Variants in IQGAP2 observed in about 807,000 individuals in gnomAD.
IQGAP2 encodes ras GTPase-activating-like protein IQGAP2.
IQGAP2 carries 173 observed loss-of-function variants against 201.3 expected under a neutral mutation model. The observed-to-expected ratio is 0.86, with a 90% CI of 0.76 to 0.98. The LOEUF (loss-of-function observed/expected upper bound fraction) is 0.98, where lower values mean the gene tolerates loss of function less well. IQGAP2 is among the 50% of genes least tolerant of loss of function. The pLI, the probability that IQGAP2 is intolerant of heterozygous loss-of-function variation, is 0.00. For synonymous variants in IQGAP2, 675 were observed against 673.9 expected (o/e 1.00, Z -0.03); for missense variants, 1,687 against 1,864.8 (o/e 0.90, Z 1.76).
chr5:76,664,729 A>G (rs1743585859), intron 21 of IQGAP2, among the ~76,000 whole-genome samples: 1 of 152,214 alleles, frequency 6.6e-6, no homozygotes, highest in South Asian at 2.1e-4. Context: ...AATAGATAGT[A>G]TAATAATGAA....
intron 2 of IQGAP2, among the ~76,000 whole-genome samples, chr5:76,534,071 A>G (rs1456283134): frequency 6.6e-6 from 1 of 152,174 alleles, no homozygotes; most frequent in East Asian, 1.9e-4. Flanking sequence ...TATTCTTCTC[A>G]TGCTGTAATA....
intron 23 of IQGAP2, among the ~76,000 whole-genome samples, chr5:76,669,832 G>T (rs1261884467): frequency 6.6e-6 from 1 of 152,072 alleles, no homozygotes; most frequent in African/African-American, 2.4e-5. Flanking sequence ...TTTGCTTTTT[G>T]GGGATCTGTG....
chr5:76,505,491 G>C (rs1356865975), intron 2 of IQGAP2, among the ~76,000 whole-genome samples: 3 of 152,134 alleles, frequency 2.0e-5, no homozygotes, highest in Non-Finnish European at 4.4e-5. Flanking sequence ...TCTTCTAGTA[G>C]AGAAATTAGG....
intron 2 of IQGAP2, among the ~76,000 whole-genome samples, chr5:76,486,828 T>C (rs1756174605): frequency 1.3e-5 from 2 of 152,186 alleles, no homozygotes; most frequent in Non-Finnish European, 2.9e-5. Context: ...AGCTCAGTTA[T>C]AAGTAATAAG....
chr5:76,407,947 A>G (rs1405617516), intron 1 of IQGAP2, among the ~76,000 whole-genome samples: 1 of 152,216 alleles, frequency 6.6e-6, no homozygotes, highest in Non-Finnish European at 1.5e-5. Context: ...CCTAGCCAGC[A>G]TAGTGAAACC....
At chr5:76,617,952 C>T (rs775017442) in intron 13 of IQGAP2, 1 of 1,614,042 alleles carries the variant, frequency 6.2e-7, no homozygotes, top group East Asian at 2.2e-5. Flanking sequence ...TGAGGACTCG[C>T]AAGTGTTGTG....
At chr5:76,682,122 A>G (rs1745359966) in intron 28 of IQGAP2, among the ~76,000 whole-genome samples, 1 of 152,214 alleles carries the variant, frequency 6.6e-6, no homozygotes, top group African/African-American at 2.4e-5. Flanking sequence ...AAACTGTTCT[A>G]CAGTCAGAGA....
chr5:76,644,549 C>T (rs1164159291), intron 17 of IQGAP2, among the ~76,000 whole-genome samples: 2 of 151,918 alleles, frequency 1.3e-5, no homozygotes, highest in Non-Finnish European at 2.9e-5. Context: ...ATCTGCCTGC[C>T]TCGGCTTTCC....
At chr5:76,658,334 C>A in intron 20 of IQGAP2, 125 bp from the exon 21 acceptor site, 1 of 782,534 alleles carries the variant, frequency 1.3e-6, no homozygotes, top group Non-Finnish European at 2.1e-6. Flanking sequence ...TAGAATGATT[C>A]TCACCCTAGA....
In IQGAP2 at chr5:76,480,814, C is replaced by G. The variant is rs563538640; in HGVS notation, c.146+19145C>G. On this transcript the variant is annotated intron_variant, in intron 2 of 35. Transcript: ENST00000274364. ...CCTGGGCACACAGCTGTCTTAGTCTCTTGTGCCCCTATAACAGAGTACCTG... is the reference window on the plus strand; with the variant it reads ...CCTGGGCACACAGCTGTCTTAGTCTGTTGTGCCCCTATAACAGAGTACCTG... Among the ~76,000 whole-genome samples, 25 of 150,208 alleles carry G rather than the reference C, an allele frequency of 1.7e-4. No homozygotes were observed. In the South Asian group the frequency reaches 2.7e-3, roughly 16 times the overall value.
intron 12 of IQGAP2, 55 bp from the exon 13 acceptor site, chr5:76,610,965 A>G: frequency 5.5e-6 from 8 of 1,454,926 alleles, no homozygotes; most frequent in Non-Finnish European, 6.6e-6. Flanking sequence ...CGGTGATACT[A>G]AAGAAGTTAT....
rs185223948 is a variant in IQGAP2 at position 76,683,202 on chromosome 5, G to A, written c.3748G>A (p.Val1250Met). Residue 1250 changes from valine (V) to methionine (M), a missense_variant, in exon 29 of 36, where the codon GTG becomes ATG. By Grantham distance (21) the Val-to-Met change is conservative. Coordinates refer to ENST00000274364, the MANE Select transcript of IQGAP2 (RefSeq NM_006633.5). ...LLGSLGEVPTVESFLGEGAVD... is the reference protein window; with the variant it reads ...LLGSLGEVPTMESFLGEGAVD... The stretch of plus-strand genomic sequence containing the variant: ...GGGGTCGCTGGGAGAGGTGCCAACC[G>A]TGGAATCTTTTCTTGGTAAGAGCTT... 682 of 1,610,330 alleles carry A rather than the reference G, an allele frequency of 4.2e-4. 1 individual carries two copies. The highest frequency in any genetic ancestry group is 5.0e-4 in the Middle Eastern group (3 of 6,048).
At chr5:76,669,938 T>A (rs1744146080) in intron 23 of IQGAP2, among the ~76,000 whole-genome samples, 1 of 152,168 alleles carries the variant, frequency 6.6e-6, no homozygotes. Flanking sequence ...TTCTTCTGCC[T>A]CAGCCTCCTG....
At chr5:76,635,968 A>G (rs1427405265) in intron 15 of IQGAP2, among the ~76,000 whole-genome samples, 1 of 152,244 alleles carries the variant, frequency 6.6e-6, no homozygotes, top group Non-Finnish European at 1.5e-5. Context: ...GTTTCTAAAC[A>G]GATGAACCAG....
Position 76,674,656 on chromosome 5 carries a change from TG to T in IQGAP2, c.3475del (p.Glu1159SerfsTer6). ...CCAACAAGCTGTTTGAAGGAGAAAA[TG>T]AGCATCTCTCATCTATGAACAATTA... ...ASNKLFEGEN[E>X]HLSSMNNYLS... On this transcript the variant is annotated frameshift_variant, in exon 27 of 36. Transcript: ENST00000274364. LOFTEE classifies it high-confidence loss of function. The T allele has an allele frequency of 4.3e-6, 7 of 1,614,128 alleles. No individual in the cohort carries two copies. Among genetic ancestry groups the T allele is most frequent in the Non-Finnish European group, 5.9e-6 (7 of 1,179,986 alleles).
At chr5:76,483,793 C>A (rs1201148544) in intron 2 of IQGAP2, among the ~76,000 whole-genome samples, 1 of 152,236 alleles carries the variant, frequency 6.6e-6, no homozygotes, top group Admixed American at 6.5e-5. Flanking sequence ...GCAGCCTCTT[C>A]TTTCCATCCC....
chr5:76,480,359 C>A (rs994775814), intron 2 of IQGAP2, among the ~76,000 whole-genome samples: 2 of 152,100 alleles, frequency 1.3e-5, no homozygotes, highest in African/African-American at 4.8e-5. Context: ...TTTTGCTAAT[C>A]CCCTCTCTCT....
intron 32 of IQGAP2, among the ~76,000 whole-genome samples, chr5:76,696,503 G>A (rs1003675976): frequency 2.0e-5 from 3 of 152,086 alleles, no homozygotes; most frequent in Non-Finnish European, 4.4e-5. Context: ...TATATATTTG[G>A]GTTAGAAGGA....
intron 30 of IQGAP2, among the ~76,000 whole-genome samples, chr5:76,691,275 CTT>C (rs538388909): frequency 1.0e-3 from 152 of 152,276 alleles, no homozygotes; most frequent in African/African-American, 3.4e-3. Context: ...TCCAGCAACT[CTT>C]GAGCAAATAA....
Sources: gnomAD v4.1 joint callset for allele counts (sites outside exome capture counted in the v4.1 genomes callset) on GRCh38, gnomAD v4.1.1 for gene constraint, MANE v1.5 for transcripts, NCBI Gene and HGNC (gene_info 2026-07-23, HGNC 2026-07-21) for gene names.